The following CMTM8 variants were observed in gnomAD, a reference collection of about 807,000 sequenced individuals.
CMTM8 encodes CKLF like MARVEL transmembrane domain containing 8, also known as CKLF-like MARVEL transmembrane domain-containing protein 8.
Under a neutral mutation model 18.6 loss-of-function variants are expected in CMTM8, and 12 were observed. That is an observed-to-expected ratio of 0.65 (90% CI 0.41 to 1.05). The LOEUF (loss-of-function observed/expected upper bound fraction) is 1.05. CMTM8 is among the 50% of genes least tolerant of loss of function. CMTM8 has a pLI of 0.00. For synonymous variants in CMTM8, 87 were observed against 90.6 expected (o/e 0.96, Z 0.23); for missense variants, 217 against 227.2 (o/e 0.95, Z 0.29).
chr3:32,263,051 C>T (rs1017359473), intron 1 of CMTM8, among the ~76,000 whole-genome samples: 2 of 151,510 alleles, frequency 1.3e-5, no homozygotes, highest in Non-Finnish European at 2.9e-5. Flanking sequence ...CCAGTGTGAA[C>T]GATGCAGAAG....
At position 32,355,181 on chromosome 3, in the gene CMTM8, A is replaced by T. The variant is rs531121981; in HGVS notation, c.148-2192A>T. On this transcript the variant is annotated intron_variant, in intron 1 of 3. Coordinates refer to ENST00000307526, the MANE Select transcript of CMTM8 (RefSeq NM_178868.5). ...CCTGTCTGATGGCTTCAAGATCTTC[A>T]CAGGAAGTCTTCTTAAAGAAGGGCC... is the stretch of plus-strand genomic sequence containing the variant. 1.1e-4 allele frequency among the ~76,000 whole-genome samples: 17 copies of T among 152,288 alleles called. No homozygotes were observed. The East Asian group carries it at 3.1e-3, about 28-fold the overall frequency.
In CMTM8 at chr3:32,339,681, AG is replaced by A. The variant is rs771573738; in HGVS notation, c.148-17690del. The stretch of plus-strand genomic sequence containing the variant: ...ACTTCAGTAAGAACTCTGCAGGGGT[AG>A]GCCGGGCGCGGTGGCTCATGCCTGT... On this transcript the variant is annotated intron_variant, in intron 1 of 3. Coordinates refer to ENST00000307526, the MANE Select transcript of CMTM8 (RefSeq NM_178868.5). Among the ~76,000 whole-genome samples the A allele has an allele frequency of 3.4e-4, 52 of 152,308 alleles. 1 individual carries two copies. Among genetic ancestry groups the A allele is most frequent in the Non-Finnish European group, 6.2e-4 (42 of 68,024 alleles).
In CMTM8 at chr3:32,281,115, T is replaced by C. The variant is rs1702602951; in HGVS notation, c.147+41996T>C. ...ACAATCCTGAGGTTTGATGCTCCTG[T>C]GTATGACTATTAGTATGTAGAGATA... On this transcript the variant is annotated intron_variant, in intron 1 of 3. Coordinates refer to ENST00000307526, the MANE Select transcript of CMTM8 (RefSeq NM_178868.5). Among the ~76,000 whole-genome samples, 3 of 152,176 alleles carry C rather than the reference T, an allele frequency of 2.0e-5. No individual in the cohort carries two copies. In the South Asian group the frequency reaches 6.2e-4, roughly 31 times the overall value.
At chr3:32,317,531 A>G (rs1328412990) in intron 1 of CMTM8, among the ~76,000 whole-genome samples, 1 of 152,242 alleles carries the variant, frequency 6.6e-6, no homozygotes, top group African/African-American at 2.4e-5. Context: ...TATGAAAGTC[A>G]GTTTAACAAT....
chr3:32,262,527 A>G (rs1702272065), intron 1 of CMTM8, among the ~76,000 whole-genome samples: 1 of 152,334 alleles, frequency 6.6e-6, no homozygotes, highest in African/African-American at 2.4e-5. Flanking sequence ...GTGGAAGGCC[A>G]TCTGTGATTT....
intron 1 of CMTM8, among the ~76,000 whole-genome samples, chr3:32,349,695 C>T (rs573872621): frequency 9.2e-5 from 14 of 152,190 alleles, no homozygotes; most frequent in African/African-American, 3.4e-4. Context: ...GTGCACAGGG[C>T]AGCACTCCAG....
chr3:32,279,266 G>A (rs569312904), intron 1 of CMTM8, among the ~76,000 whole-genome samples: 2,341 of 144,818 alleles, frequency 0.016, 49 homozygotes, highest in African/African-American at 0.059. Context: ...CCATGCTGGT[G>A]CGCTGCACCC....
At chr3:32,352,692 G>A (rs1280931720) in intron 1 of CMTM8, among the ~76,000 whole-genome samples, 1 of 152,204 alleles carries the variant, frequency 6.6e-6, no homozygotes, top group Non-Finnish European at 1.5e-5. Context: ...CCTTAGAGGA[G>A]AGGAGTAACT....
intron 1 of CMTM8, among the ~76,000 whole-genome samples, chr3:32,333,631 CAAAAA>C (rs10576288): frequency 9.6e-5 from 11 of 114,814 alleles, no homozygotes; most frequent in Admixed American, 9.3e-5. Flanking sequence ...ACTTTTCCAC[CAAAAA>C]AAAAAAAAAA....
At chr3:32,361,316 A>AAT (rs1161692410) in intron 2 of CMTM8, among the ~76,000 whole-genome samples, 1 of 12,420 alleles carries the variant, frequency 8.1e-5, no homozygotes, top group Admixed American at 1.2e-3. Context: ...TTGGAAAGGT[A>AAT]ATAAGGTAAT....
chr3:32,274,424 C>T (rs564300627), intron 1 of CMTM8, among the ~76,000 whole-genome samples: 12 of 152,232 alleles, frequency 7.9e-5, no homozygotes, highest in East Asian at 5.8e-4. Flanking sequence ...AAGTTCAAGG[C>T]GCTAAGAAAA....
intron 1 of CMTM8, among the ~76,000 whole-genome samples, chr3:32,334,133 C>T (rs1575181402): frequency 6.6e-6 from 1 of 151,910 alleles, no homozygotes; most frequent in East Asian, 2.0e-4. Flanking sequence ...CACGCACCAC[C>T]ATGCCCAGCT....
chr3:32,368,180 G>A (rs968053394), intron 3 of CMTM8, among the ~76,000 whole-genome samples, 192 bp downstream of exon 3: 1 of 152,214 alleles, frequency 6.6e-6, no homozygotes, highest in Non-Finnish European at 1.5e-5. Flanking sequence ...AGTGGGAAAA[G>A]GCTGGGAGAC....
At chr3:32,315,128 C>CTTTT (rs774058477) in intron 1 of CMTM8, among the ~76,000 whole-genome samples, 10 of 138,594 alleles carry the variant, frequency 7.2e-5, no homozygotes, top group African/African-American at 1.7e-4. Flanking sequence ...TCTTCTTCTT[C>CTTTT]TTTTTTTTTT....
At position 32,238,980 on chromosome 3, in the gene CMTM8, A is replaced by T. The variant is rs752460220; in HGVS notation, c.8A>T (p.Glu3Val). 6.5e-7 allele frequency: 1 copy of T among 1,548,584 alleles called. No homozygotes were observed. Among genetic ancestry groups the T allele is most frequent in the South Asian group, 1.2e-5 (1 of 83,682 alleles). ...CCCGGCAGTGGCTCGACGATGGAGG[A>T]GCCGCAGCGCGCCCGCTCGCACACA... MEEPQRARSHTVT... is the reference protein window; with the variant it reads MEVPQRARSHTVT... Residue 3 changes from glutamate to valine, a missense_variant, in exon 1 of 4, where the codon GAG (glutamate) becomes GTG (valine). Physicochemically the swap from Glu to Val is moderately radical, Grantham distance 121. Coordinates refer to ENST00000307526, the MANE Select transcript of CMTM8 (RefSeq NM_178868.5).
intron 1 of CMTM8, among the ~76,000 whole-genome samples, chr3:32,312,727 G>A (rs1695843633): frequency 6.6e-6 from 1 of 151,714 alleles, no homozygotes; most frequent in African/African-American, 2.4e-5. Flanking sequence ...TGGGATGTCG[G>A]GCTGAAGGTT....
chr3:32,263,826 G>T (rs1479589718), intron 1 of CMTM8, among the ~76,000 whole-genome samples: 1 of 152,138 alleles, frequency 6.6e-6, no homozygotes, highest in Non-Finnish European at 1.5e-5. Flanking sequence ...TAGCCAATTC[G>T]ATCAACCGGA....
intron 1 of CMTM8, among the ~76,000 whole-genome samples, chr3:32,305,075 G>A (rs921448596): frequency 2.0e-5 from 3 of 152,132 alleles, no homozygotes; most frequent in African/African-American, 4.8e-5. Context: ...AGAGAGTGAT[G>A]TAATTCCTAA....
intron 1 of CMTM8, among the ~76,000 whole-genome samples, chr3:32,327,446 TTCA>T (rs1696184524): frequency 1.3e-5 from 2 of 152,206 alleles, no homozygotes; most frequent in African/African-American, 2.4e-5. Flanking sequence ...AACTCAATAA[TTCA>T]TCATCCTCCA....
Sources: gnomAD v4.1 joint callset for allele counts (sites outside exome capture counted in the v4.1 genomes callset) on GRCh38, gnomAD v4.1.1 for gene constraint, MANE v1.5 for transcripts, NCBI Gene and HGNC (gene_info 2026-07-23, HGNC 2026-07-21) for gene names.